Variants in DCTN6 observed in about 807,000 individuals in gnomAD.
The protein encoded by DCTN6 is dynactin 6.
DCTN6 carries 15 observed loss-of-function variants against 25.8 expected under a neutral mutation model. The observed-to-expected ratio is 0.58, with a 90% CI of 0.39 to 0.89. The LOEUF (loss-of-function observed/expected upper bound fraction) is 0.89. Ranked by LOEUF, DCTN6 falls within the 40% of genes least tolerant of loss-of-function variation. DCTN6 has a pLI of 0.00. For synonymous variants in DCTN6, 64 were observed against 78.3 expected (o/e 0.82, Z 0.96); for missense variants, 198 against 237.6 (o/e 0.83, Z 1.09).
chr8:30,169,836 C>G (rs1803738717), intron 2 of DCTN6, among the ~76,000 whole-genome samples: 1 of 152,252 alleles, frequency 6.6e-6, no homozygotes, highest in Non-Finnish European at 1.5e-5. Context: ...GCAGACAAAG[C>G]AGAATTATCC....
rs1469247069 is a variant in DCTN6 at position 30,157,663 on chromosome 8, GCTT to G, written c.23+1263_23+1265del. ...TAAACATGTGGGGACAGGAAGTTTG[GCTT>G]CTTCTCCGGTAGTCTTCATTGCTGG... On this transcript the variant is annotated intron_variant, in intron 1 of 6. Coordinates refer to ENST00000221114, the MANE Select transcript of DCTN6 (RefSeq NM_006571.4). 3.3e-5 allele frequency among the ~76,000 whole-genome samples: 5 copies of G among 152,196 alleles called. No homozygotes were observed. The South Asian group carries it at 6.2e-4, about 19-fold the overall frequency.
intron 1 of DCTN6, among the ~76,000 whole-genome samples, chr8:30,158,403 A>G (rs998067034): frequency 3.3e-5 from 5 of 152,226 alleles, no homozygotes; most frequent in African/African-American, 1.2e-4. Flanking sequence ...TATCAGAGAA[A>G]TGACATTTAC....
chr8:30,180,603 T>C lies in DCTN6; in HGVS notation c.447T>C (p.Leu149=), dbSNP rs1803899282. ...CGGTGATCTATGGTGCAGACTGCCT[T>C]CGTCGGGTGCAGACTGAGCGACCGC... ...ENTVIYGADC[L]RRVQTERPQP... Residue 149 remains leucine, a synonymous_variant, in exon 6 of 7, where the codon CTT becomes CTC. Coordinates refer to ENST00000221114, the MANE Select transcript of DCTN6 (RefSeq NM_006571.4). 6.2e-7 allele frequency: 1 copy of C among 1,614,028 alleles called. No homozygotes were observed. The highest frequency in any genetic ancestry group is 1.7e-5 in the Admixed American group (1 of 59,986).
At chr8:30,177,061 A>G (rs897800315) in intron 3 of DCTN6, 65 bp from the exon 4 acceptor site, 2 of 1,349,804 alleles carry the variant, frequency 1.5e-6, no homozygotes, top group Non-Finnish European at 2.1e-6. Context: ...CCAAATTCGA[A>G]AATGGGAAGA....
At chr8:30,172,805 C>A (rs1433439545) in intron 2 of DCTN6, among the ~76,000 whole-genome samples, 1 of 152,070 alleles carries the variant, frequency 6.6e-6, no homozygotes, top group Non-Finnish European at 1.5e-5. Context: ...ATAATATACT[C>A]CAAACTTTTA....
rs765092016 is a variant in DCTN6, at chr8:30,177,168, A to G, written c.237A>G (p.Pro79=). Residue 79 remains proline (P), a synonymous_variant, in exon 4 of 7, where the codon CCA becomes CCG. Transcript: ENST00000221114. The part of the protein sequence containing the change: ...NITPDTEDPE[P]KPMIIGTNNV... ...CTCCTGACACTGAAGATCCAGAACC[A>G]AAACCTATGATCATTGGCACCAATA... 6.2e-7 allele frequency: 1 copy of G among 1,613,850 alleles called. No homozygotes were observed. The highest frequency in any genetic ancestry group is 8.5e-7 in the Non-Finnish European group (1 of 1,179,860).
chr8:30,164,259 A>C, intron 2 of DCTN6, 84 bp downstream of exon 2: 1 of 1,057,514 alleles, frequency 9.5e-7, no homozygotes, highest in Non-Finnish European at 1.4e-6. Flanking sequence ...ACCGTCTTCC[A>C]TGTTTATTTC....
intron 2 of DCTN6, among the ~76,000 whole-genome samples, chr8:30,165,417 T>C (rs1262335543): frequency 6.6e-6 from 1 of 151,140 alleles, no homozygotes; most frequent in East Asian, 1.9e-4. Context: ...ACACTTTATT[T>C]CCTTAAATGA....
chr8:30,164,438 G>A lies in DCTN6; in HGVS notation c.88+263G>A, dbSNP rs181827082. Reference sequence around the variant, plus strand: ...TAAGAGAGATCTGTTGTGTACCTGCGATGTGCCAGGCACTGTGCTAGTGCT... The same window carrying A: ...TAAGAGAGATCTGTTGTGTACCTGCAATGTGCCAGGCACTGTGCTAGTGCT... On this transcript the variant is annotated intron_variant, in intron 2 of 6. Transcript: ENST00000221114. Among the ~76,000 whole-genome samples the A allele has an allele frequency of 1.2e-4, 18 of 152,238 alleles. No homozygotes were observed. In the East Asian group the frequency reaches 2.1e-3, roughly 18 times the overall value.
intron 2 of DCTN6, among the ~76,000 whole-genome samples, chr8:30,171,012 A>C (rs891720958): frequency 1.6e-4 from 25 of 152,040 alleles, no homozygotes; most frequent in Non-Finnish European, 3.7e-4. Flanking sequence ...AAGTGTGCTT[A>C]TTTGTTTGAG....
intron 2 of DCTN6, among the ~76,000 whole-genome samples, chr8:30,170,666 G>C (rs1416962913): frequency 1.3e-5 from 2 of 150,426 alleles, no homozygotes; most frequent in Non-Finnish European, 2.9e-5. Flanking sequence ...TTTTGAGACA[G>C]AGTCTCACTT....
intron 3 of DCTN6, among the ~76,000 whole-genome samples, chr8:30,176,383 T>C (rs1378670745): frequency 6.6e-6 from 1 of 151,624 alleles, no homozygotes; most frequent in Non-Finnish European, 1.5e-5. Context: ...CAAAAAAAAA[T>C]TAGCCGGGCG....
intron 1 of DCTN6, 77 bp downstream of exon 1, chr8:30,156,483 C>A (rs1227256795): frequency 2.6e-6 from 4 of 1,521,104 alleles, no homozygotes; most frequent in Non-Finnish European, 1.8e-6. Flanking sequence ...CCAATGGTGG[C>A]GACTCAGAAG....
chr8:30,179,456 G>A lies in DCTN6; in HGVS notation c.331+1G>A. 3 of 1,611,266 alleles carry A rather than the reference G, an allele frequency of 1.9e-6. No individual in the cohort carries two copies. Among genetic ancestry groups the A allele is most frequent in the Non-Finnish European group, 2.5e-6 (3 of 1,178,642 alleles). On this transcript the variant is annotated splice_donor_variant, in intron 5 of 6. Transcript: ENST00000221114. LOFTEE classifies it high-confidence loss of function. The stretch of plus-strand genomic sequence containing the variant: ...GATAATAATGTCATTGAATCAAAAG[G>A]TAAGCTACATTCAGAGTTTCATTGT...
At chr8:30,167,309 C>T (rs1430865615) in intron 2 of DCTN6, among the ~76,000 whole-genome samples, 2 of 151,982 alleles carry the variant, frequency 1.3e-5, no homozygotes, top group East Asian at 1.9e-4. Context: ...AAAAAAATTA[C>T]ATAAGGAAGT....
At chr8:30,164,507 T>A (rs1803639616) in intron 2 of DCTN6, among the ~76,000 whole-genome samples, 1 of 152,240 alleles carries the variant, frequency 6.6e-6, no homozygotes, top group African/African-American at 2.4e-5. Context: ...GCTGCCTTTG[T>A]GGAGCTTCGT....
At chr8:30,161,698 G>A (rs1466659006) in intron 1 of DCTN6, among the ~76,000 whole-genome samples, 3 of 151,790 alleles carry the variant, frequency 2.0e-5, no homozygotes, top group Non-Finnish European at 4.4e-5. Context: ...TTGCTTAGAT[G>A]TATGCATATG....
intron 1 of DCTN6, among the ~76,000 whole-genome samples, chr8:30,163,489 T>C (rs1164588379): frequency 6.6e-6 from 1 of 152,202 alleles, no homozygotes; most frequent in African/African-American, 2.4e-5. Flanking sequence ...TAATGTGCCA[T>C]AATTTATTAA....
At chr8:30,177,032 TAA>T (rs1585505150) in intron 3 of DCTN6, 92 bp from the exon 4 acceptor site, 1 of 882,898 alleles carries the variant, frequency 1.1e-6, no homozygotes, top group African/African-American at 1.7e-5. Flanking sequence ...TTGATGTAGG[TAA>T]AATTGAAAGA....
Sources: gnomAD v4.1 joint callset for allele counts (sites outside exome capture counted in the v4.1 genomes callset) on GRCh38, gnomAD v4.1.1 for gene constraint, MANE v1.5 for transcripts, NCBI Gene and HGNC (gene_info 2026-07-23, HGNC 2026-07-21) for gene names.